The following ADGRL3 variants were observed in gnomAD, a reference collection of about 807,000 sequenced individuals.
ADGRL3 encodes adhesion G protein-coupled receptor L3, also known as calcium-independent alpha-latrotoxin receptor 3.
Under a neutral mutation model 153.5 loss-of-function variants are expected in ADGRL3, and 62 were observed. That is an observed-to-expected ratio of 0.40 (90% confidence interval 0.33 to 0.50). The LOEUF is 0.50. Among genes scored for constraint, ADGRL3 ranks in the 20% least tolerant of loss-of-function variants. ADGRL3 has a pLI of 0.47. For missense variants in ADGRL3, 1,641 were observed against 1,859.4 expected, an observed-to-expected ratio of 0.88 and a Z score of 2.16; for synonymous variants, 710 against 672.5, an observed-to-expected ratio of 1.06 and a Z score of -0.86.
At chr4:62,066,225 CA>C (rs1436197587) in intron 25 of ADGRL3, among the ~76,000 whole-genome samples, 4 of 151,978 alleles carry the variant, frequency 2.6e-5, no homozygotes, top group African/African-American at 9.7e-5. Context: ...TTCTTACTGG[CA>C]AGGTGAAATC....
At chr4:61,904,534 GA>G (rs2149752432) in intron 11 of ADGRL3, among the ~76,000 whole-genome samples, 1 of 152,180 alleles carries the variant, frequency 6.6e-6, no homozygotes, top group Non-Finnish European at 1.5e-5. Flanking sequence ...TGCACATAAA[GA>G]AAATGTTTAA....
intron 1 of ADGRL3, among the ~76,000 whole-genome samples, chr4:61,268,114 C>T (rs72634728): frequency 0.13 from 19,329 of 151,550 alleles, 1,329 homozygotes; most frequent in Middle Eastern, 0.18. Context: ...GATTCAAGTT[C>T]ATAACATTTA....
At chr4:61,915,527 C>T (rs1407235446) in intron 13 of ADGRL3, among the ~76,000 whole-genome samples, 1 of 151,958 alleles carries the variant, frequency 6.6e-6, no homozygotes, top group African/African-American at 2.4e-5. Flanking sequence ...GTCATTCAAA[C>T]ATGAATCTCT....
intron 23 of ADGRL3, among the ~76,000 whole-genome samples, chr4:62,035,125 T>A (rs1157963982): frequency 2.6e-5 from 4 of 151,980 alleles, no homozygotes; most frequent in Admixed American, 2.0e-4. Context: ...TTCTTCTTTT[T>A]AAGACATATG....
intron 1 of ADGRL3, among the ~76,000 whole-genome samples, chr4:61,203,832 C>G (rs1272567408): frequency 6.6e-6 from 1 of 151,694 alleles, no homozygotes; most frequent in Non-Finnish European, 1.5e-5. Flanking sequence ...TTATAATCAC[C>G]AAAATAGGAT....
chr4:61,428,841 A>G (rs1473043515), intron 2 of ADGRL3, among the ~76,000 whole-genome samples: 2 of 120,718 alleles, frequency 1.7e-5, no homozygotes, highest in African/African-American at 2.9e-5. Context: ...TTATCTATCT[A>G]TCTATCTATC....
chr4:61,570,609 C>T (rs1036983884), intron 4 of ADGRL3, among the ~76,000 whole-genome samples: 1 of 152,158 alleles, frequency 6.6e-6, no homozygotes, highest in Non-Finnish European at 1.5e-5. Context: ...TGCACCATTA[C>T]ACTTACCACT....
At chr4:61,983,240 T>A (rs755817266) in intron 18 of ADGRL3, 143 bp from the exon 19 acceptor site, 3 of 613,054 alleles carry the variant, frequency 4.9e-6, no homozygotes. Context: ...TTTTAATATC[T>A]GTGTTTTAAG....
chr4:61,543,134 T>TCCCCCCCCCCCCCCCCCCC, intron 4 of ADGRL3, among the ~76,000 whole-genome samples: 1 of 124,552 alleles, frequency 8.0e-6, no homozygotes, highest in African/African-American at 3.1e-5. Context: ...GAATTATCCC[T>TCCCCCCCCCCCCCCCCCCC]CCCCCCCACC....
In ADGRL3 at chr4:61,730,605, T is replaced by TTC; in HGVS notation, c.584-8_584-7dup. ...TCTCTTTTCTCCTTTCTCTCTTTAC[T>TTC]TCTCTCTCTCCAATAGAAGTGGAAC... On this transcript the variant is annotated splice_polypyrimidine_tract_variant and intron_variant, in intron 6 of 26. Coordinates refer to ENST00000683033, the MANE Select transcript of ADGRL3 (RefSeq NM_001387552.1). The TTC allele has an allele frequency of 1.9e-6, 1 of 539,212 alleles. No individual in the cohort carries two copies. The highest frequency in any genetic ancestry group is 3.3e-5 in the South Asian group (1 of 29,868). The allele number at this position is 539,212 out of a possible 1,614,324, so 33.4% of individuals were successfully genotyped here.
intron 8 of ADGRL3, among the ~76,000 whole-genome samples, chr4:61,790,449 T>C (rs2097328250): frequency 6.6e-6 from 1 of 152,144 alleles, no homozygotes; most frequent in Admixed American, 6.6e-5. Context: ...TTCCTAATCA[T>C]ACATATAATA....
At chr4:61,397,721 A>T (rs1488668270) in intron 2 of ADGRL3, among the ~76,000 whole-genome samples, 4 of 149,236 alleles carry the variant, frequency 2.7e-5, no homozygotes, top group Non-Finnish European at 5.9e-5. Flanking sequence ...AATTTCCTAT[A>T]AAAAAAATTG....
chr4:61,597,542 A>G (rs2098994000), intron 5 of ADGRL3, among the ~76,000 whole-genome samples: 1 of 152,054 alleles, frequency 6.6e-6, no homozygotes. Flanking sequence ...TGTTATATGA[A>G]ATATTTATGA....
Position 62,037,721 on chromosome 4 carries a change from A to C in ADGRL3, c.3592-10A>C. 1 of 1,613,604 alleles carries C rather than the reference A, an allele frequency of 6.2e-7. No homozygotes were observed. The highest frequency in any genetic ancestry group is 8.5e-7 in the Non-Finnish European group (1 of 1,179,638). ...TACTTGCTAACAGAAGTTAATATTT[A>C]ATTGGCTAGGTACGAAAAGAGTATG... On this transcript the variant is annotated splice_polypyrimidine_tract_variant and intron_variant, in intron 23 of 26. Coordinates refer to ENST00000683033, the MANE Select transcript of ADGRL3 (RefSeq NM_001387552.1).
At chr4:62,064,967 G>A (rs1218692997) in intron 25 of ADGRL3, among the ~76,000 whole-genome samples, 1 of 152,026 alleles carries the variant, frequency 6.6e-6, no homozygotes, top group African/African-American at 2.4e-5. Flanking sequence ...AGGGATATAT[G>A]TCTTTAGAAT....
rs565722806 is a variant in ADGRL3, at chr4:62,072,185, T to A, written c.*1277T>A. 7 of 152,780 alleles carry A rather than the reference T, an allele frequency of 4.6e-5. No homozygotes were observed. Among genetic ancestry groups the A allele is most frequent in the Non-Finnish European group, 1.0e-4 (7 of 68,054 alleles). The allele number at this position is 152,780 out of a possible 1,614,324, so 9.5% of individuals were successfully genotyped here. A position where few individuals can be genotyped will look rare whatever the true frequency, so the allele number is the denominator to read the frequency against. On this transcript the variant is annotated 3_prime_UTR_variant, in exon 27 of 27. Transcript: ENST00000683033. ...TTTTTAGAGGAAATTCACTCCCTCGTAAGCATTGGAAGGTCAAATTATTTT... is the reference window on the plus strand; with the variant it reads ...TTTTTAGAGGAAATTCACTCCCTCGAAAGCATTGGAAGGTCAAATTATTTT...
chr4:61,487,042 A>G (rs1029238647), intron 2 of ADGRL3, among the ~76,000 whole-genome samples: 1 of 152,206 alleles, frequency 6.6e-6, no homozygotes, highest in African/African-American at 2.4e-5. Flanking sequence ...TTTAGTGTAT[A>G]GCTATACTCT....
chr4:61,832,969 T>G (rs1266512130), intron 9 of ADGRL3, among the ~76,000 whole-genome samples: 1 of 152,066 alleles, frequency 6.6e-6, no homozygotes, highest in Non-Finnish European at 1.5e-5. Flanking sequence ...ACCATTGAGT[T>G]CATGTAGAGC....
At chr4:61,219,016 GC>G (rs1306049848) in intron 1 of ADGRL3, among the ~76,000 whole-genome samples, 4 of 152,164 alleles carry the variant, frequency 2.6e-5, no homozygotes, top group African/African-American at 9.7e-5. Flanking sequence ...ATCAAGGGGG[GC>G]TGTGGAGAGA....
Sources: allele counts gnomAD v4.1 joint callset (sites outside exome capture counted in the v4.1 genomes callset), GRCh38; gene constraint gnomAD v4.1.1; transcripts MANE v1.5; gene names NCBI Gene and HGNC (gene_info 2026-07-23, HGNC 2026-07-21).